Variants in ATP1B4 observed in about 807,000 individuals in gnomAD.
ATP1B4 encodes ATPase Na+/K+ transporting family member beta 4.
In ATP1B4, 32 loss-of-function variants were observed where a neutral mutation model predicts 29.6. The ratio of observed to expected loss-of-function variants is 1.08; its 90% CI spans 0.82 to 1.45. The LOEUF (loss-of-function observed/expected upper bound fraction) is 1.45. ATP1B4 is among the 40% of genes most tolerant of loss of function. The pLI, the probability that ATP1B4 is intolerant of heterozygous loss-of-function variation, is 0.00. For missense variants in ATP1B4, 323 were observed against 276.2 expected, an observed-to-expected ratio of 1.17 and a Z score of -1.20; for synonymous variants, 127 against 102.1, an observed-to-expected ratio of 1.24 and a Z score of -1.47.
chrX:120,370,623 C>T (rs1407903799), intron 2 of ATP1B4, 92 bp from the exon 3 acceptor site: 2 of 1,058,653 alleles, frequency 1.9e-6, no homozygotes, highest in Middle Eastern at 2.6e-4. Flanking sequence ...AGAGCTATTT[C>T]GTGGTTGGGT....
intron 4 of ATP1B4, among the ~76,000 whole-genome samples, chrX:120,374,810 T>A (rs1177374401): frequency 9.1e-4 from 7 of 7,681 alleles, no homozygotes; most frequent in Non-Finnish European, 1.6e-3. Context: ...ATATATTATA[T>A]TATATATAAG....
At position 120,383,207 on chromosome X, in the gene ATP1B4, TCAA is replaced by T. The variant is rs747941483; in HGVS notation, c.*3580_*3582del. 1 of 112,414 alleles carries T rather than the reference TCAA, an allele frequency of 8.9e-6. No homozygotes were observed. The highest frequency in any genetic ancestry group is 3.2e-5 in the African/African-American group (1 of 31,005). The allele number at this position is 112,414 out of a possible 1,213,427, so 9.3% of individuals were successfully genotyped here. A position where few individuals can be genotyped will look rare whatever the true frequency, so the allele number is the denominator to read the frequency against. ...ACATTTATATTGTCTTGAGGAGTTG[TCAA>T]CAACAATAAATTGAAATAAAAAAGA... On this transcript the variant is annotated 3_prime_UTR_variant, in exon 8 of 8. Coordinates refer to ENST00000218008, the MANE Select transcript of ATP1B4 (RefSeq NM_001142447.3).
chrX:120,377,468 A>C (rs1057427966), intron 6 of ATP1B4, among the ~76,000 whole-genome samples: 1 of 112,102 alleles, frequency 8.9e-6, no homozygotes, highest in Non-Finnish European at 1.9e-5. Context: ...GACACTACAA[A>C]CTATCCGAAC....
intron 2 of ATP1B4, among the ~76,000 whole-genome samples, chrX:120,368,934 G>T (rs1383732466): frequency 9.0e-6 from 1 of 111,436 alleles, no homozygotes; most frequent in Admixed American, 9.5e-5. Flanking sequence ...TTACCTGGGG[G>T]TGGCTGAGCT....
intron 4 of ATP1B4, among the ~76,000 whole-genome samples, chrX:120,374,621 TTA>T (rs1569355059): frequency 2.2e-5 from 1 of 45,827 alleles, no homozygotes; most frequent in African/African-American, 8.9e-5. Flanking sequence ...ATATATACCC[TTA>T]TATATAATAT....
chrX:120,375,681 T>A, intron 5 of ATP1B4, 113 bp downstream of exon 5: 1 of 609,198 alleles, frequency 1.6e-6, no homozygotes, highest in Non-Finnish European at 2.5e-6. Context: ...TTGGCCATTT[T>A]TCTGACAGTA....
rs2058382335 is a variant in ATP1B4, at chrX:120,381,784, G to A, written c.*2150G>A. The A allele has an allele frequency of 8.9e-6, 1 of 112,295 alleles. No individual in the cohort carries two copies. The allele number at this position is 112,295 out of a possible 1,213,427, so 9.3% of individuals were successfully genotyped here. On this transcript the variant is annotated 3_prime_UTR_variant, in exon 8 of 8. Coordinates refer to ENST00000218008, the MANE Select transcript of ATP1B4 (RefSeq NM_001142447.3). ...AGAAAGGGCACTTGGCAACCACTAT[G>A]TGAAGGGTGATTGGAGAAGGACAAG...
intron 7 of ATP1B4, 53 bp from the exon 8 acceptor site, chrX:120,379,420 C>T: frequency 9.0e-7 from 1 of 1,109,525 alleles, no homozygotes; most frequent in Non-Finnish European, 1.2e-6. Flanking sequence ...TATCTGATCA[C>T]TTCCCTCCTA....
At chrX:120,375,336 T>C (rs776385657) in intron 4 of ATP1B4, 36 bp from the exon 5 acceptor site, 4 of 1,155,265 alleles carry the variant, frequency 3.5e-6, no homozygotes, top group Non-Finnish European at 4.7e-6. Flanking sequence ...GTAGCACCTG[T>C]CTAACATAAC....
At chrX:120,374,336 G>A (rs2058329660) in intron 4 of ATP1B4, among the ~76,000 whole-genome samples, 1 of 105,861 alleles carries the variant, frequency 9.4e-6, no homozygotes, top group Non-Finnish European at 1.9e-5. Flanking sequence ...TGAACCACGA[G>A]CAGGTAGCCA....
At position 120,379,905 on chromosome X, in the gene ATP1B4, C is replaced by T. The variant is rs2058374523; in HGVS notation, c.*271C>T. 8.1e-6 allele frequency: 2 copies of T among 247,512 alleles called. No homozygotes were observed. The highest frequency in any genetic ancestry group is 6.8e-5 in the Admixed American group (1 of 14,803). The allele number at this position is 247,512 out of a possible 1,213,427, so 20.4% of individuals were successfully genotyped here. On this transcript the variant is annotated 3_prime_UTR_variant, in exon 8 of 8. Transcript: ENST00000218008. The stretch of plus-strand genomic sequence containing the variant: ...AGCCTGTTCTTGCTGCTGGTAATCT[C>T]CCTGTAGCGTAAACATAGTATCTGA...
intron 4 of ATP1B4, 32 bp from the exon 5 acceptor site, chrX:120,375,340 A>G (rs1248976474): frequency 6.0e-6 from 7 of 1,170,725 alleles, no homozygotes; most frequent in African/African-American, 1.8e-5. Flanking sequence ...CACCTGTCTA[A>G]CATAACCTGT....
At chrX:120,367,516 C>T (rs891255736) in intron 2 of ATP1B4, among the ~76,000 whole-genome samples, 1 of 111,846 alleles carries the variant, frequency 8.9e-6, no homozygotes, top group Non-Finnish European at 1.9e-5. Context: ...TCTTACCCAC[C>T]CTTAAACTAT....
intron 4 of ATP1B4, among the ~76,000 whole-genome samples, chrX:120,372,785 C>T (rs930786313): frequency 2.7e-5 from 3 of 112,376 alleles, no homozygotes; most frequent in African/African-American, 9.7e-5. Context: ...ATCAGTAAGG[C>T]TCAGTGTTAT....
Position 120,382,048 on chromosome X carries a change from T to C in ATP1B4, c.*2414T>C, listed in dbSNP as rs763028670. ...AGGAAAGATGAGAACAAAAGCAACATTGGGTTAAGGGAACTCGCTTAAGAA... is the reference window on the plus strand; with the variant it reads ...AGGAAAGATGAGAACAAAAGCAACACTGGGTTAAGGGAACTCGCTTAAGAA... On this transcript the variant is annotated 3_prime_UTR_variant, in exon 8 of 8. Coordinates refer to ENST00000218008, the MANE Select transcript of ATP1B4 (RefSeq NM_001142447.3). 3 of 111,895 alleles carry C rather than the reference T, an allele frequency of 2.7e-5. No individual in the cohort carries two copies. Among genetic ancestry groups the C allele is most frequent in the African/African-American group, 9.7e-5 (3 of 30,809 alleles). The allele number at this position is 111,895 out of a possible 1,213,427, so 9.2% of individuals were successfully genotyped here. A position where few individuals can be genotyped will look rare whatever the true frequency, so the allele number is the denominator to read the frequency against.
At chrX:120,365,943 G>T (rs1301821933) in intron 1 of ATP1B4, among the ~76,000 whole-genome samples, 1 of 111,807 alleles carries the variant, frequency 8.9e-6, no homozygotes, top group African/African-American at 3.3e-5. Context: ...CAGAGAAGCA[G>T]CTAATAACTG....
intron 4 of ATP1B4, among the ~76,000 whole-genome samples, chrX:120,373,567 C>T (rs1403251927): frequency 8.9e-6 from 1 of 111,863 alleles, no homozygotes; most frequent in African/African-American, 3.3e-5. Context: ...TAACTGGGCT[C>T]CATCATTTAG....
intron 2 of ATP1B4, 25 bp from the exon 3 acceptor site, chrX:120,370,690 A>T: frequency 8.3e-7 from 1 of 1,206,495 alleles, no homozygotes; most frequent in Non-Finnish European, 1.1e-6. Context: ...AGCACTGACC[A>T]CTCTCATCTG....
Position 120,375,439 on chromosome X carries a change from T to C in ATP1B4, c.630T>C (p.Asp210=). 1 of 1,211,082 alleles carries C rather than the reference T, an allele frequency of 8.3e-7. No individual in the cohort carries two copies. Among genetic ancestry groups the C allele is most frequent in the Non-Finnish European group, 1.1e-6 (1 of 895,038 alleles). Residue 210 remains aspartate (D), a synonymous_variant, in exon 5 of 8, where the codon GAT becomes GAC. Transcript: ENST00000218008. ...CCCCGGGGCAGTACTTCATCCAAGATGGCAATGAGGATGAGGACAAGAAGG... is the reference window on the plus strand; with the variant it reads ...CCCCGGGGCAGTACTTCATCCAAGACGGCAATGAGGATGAGGACAAGAAGG... ...DCPPGQYFIQ[D]GNEDEDKKAC...
Sources: gnomAD v4.1 joint callset for allele counts (sites outside exome capture counted in the v4.1 genomes callset) on GRCh38, gnomAD v4.1.1 for gene constraint, MANE v1.5 for transcripts, NCBI Gene and HGNC (gene_info 2026-07-23, HGNC 2026-07-21) for gene names.